NMBR: variants seen among roughly 807,000 people sequenced by gnomAD.
NMBR encodes neuromedin B receptor, also known as neuromedin-B receptor.
NMBR carries 16 observed loss-of-function variants against 20.5 expected under a neutral mutation model. The ratio of observed to expected loss-of-function variants is 0.78; its 90% confidence interval spans 0.53 to 1.19. The LOEUF (loss-of-function observed/expected upper bound fraction) is 1.19. Ranked by LOEUF, NMBR falls within the 50% of genes most tolerant of loss-of-function variation. The pLI is 0.00. For synonymous variants in NMBR, 212 were observed against 196.6 expected, an observed-to-expected ratio of 1.08 and a Z score of -0.65; for missense variants, 582 against 499.1, an observed-to-expected ratio of 1.17 and a Z score of -1.58.
At chr6:142,102,259 G>A (rs567511151) in intron 1 of NMBR, among the ~76,000 whole-genome samples, 57 of 151,918 alleles carry the variant, frequency 3.8e-4, no homozygotes, top group African/African-American at 1.3e-3. Context: ...GCATGGTGGC[G>A]GGCACCTGTA....
At chr6:142,145,003 C>CAGAGTG (rs1778407658) in intron 1 of NMBR, among the ~76,000 whole-genome samples, 1 of 107,808 alleles carries the variant, frequency 9.3e-6, no homozygotes, top group South Asian at 3.1e-4. Flanking sequence ...GCTTAGGTGA[C>CAGAGTG]AGAGTGAGAA....
At chr6:142,108,096 T>C (rs560432053) in intron 1 of NMBR, among the ~76,000 whole-genome samples, 21 of 152,114 alleles carry the variant, frequency 1.4e-4, no homozygotes, top group African/African-American at 4.3e-4. Flanking sequence ...AGAACATAAT[T>C]AAGCAAACCA....
chr6:142,131,312 T>C (rs1778138140), intron 1 of NMBR, among the ~76,000 whole-genome samples: 1 of 152,192 alleles, frequency 6.6e-6, no homozygotes. Context: ...AAATATTTTC[T>C]TTTCATACAC....
chr6:142,146,393 T>C (rs1778436291), intron 1 of NMBR, among the ~76,000 whole-genome samples: 1 of 152,112 alleles, frequency 6.6e-6, no homozygotes. Context: ...AAGAAGGTTA[T>C]TGGAGGAAGT....
At position 142,078,721 on chromosome 6, in the gene NMBR, G is replaced by C; in HGVS notation, c.605C>G (p.Pro202Arg). The change falls in exon 3 of 4, where the codon CCT becomes CGT. Residue 202 changes from proline to arginine, a missense_variant. By Grantham distance (103) the Pro-to-Arg change is moderately radical. Coordinates refer to ENST00000258042, the MANE Select transcript of NMBR (RefSeq NM_002511.4). ...CTTTGGATGTAATTCATCTGTTTGA[G>C]GGTATGGGATACATGCTGTGAAGCT... ...NSSFTACIPY[P>R]QTDELHPKIH... 2 of 1,614,036 alleles carry C rather than the reference G, an allele frequency of 1.2e-6. No homozygotes were observed. The highest frequency in any genetic ancestry group is 8.5e-7 in the Non-Finnish European group (1 of 1,179,984).
chr6:142,120,579 T>C (rs564697336), intron 1 of NMBR, among the ~76,000 whole-genome samples: 1 of 152,018 alleles, frequency 6.6e-6, no homozygotes, highest in East Asian at 1.9e-4. Context: ...TAAAAACATT[T>C]GAAATACAAA....
intron 1 of NMBR, among the ~76,000 whole-genome samples, chr6:142,139,808 A>G (rs1778334400): frequency 6.6e-6 from 1 of 152,234 alleles, no homozygotes. Flanking sequence ...TGAATAATAA[A>G]TGCTATATAT....
At chr6:142,077,100 G>A (rs554691028) in intron 3 of NMBR, among the ~76,000 whole-genome samples, 1 of 152,326 alleles carries the variant, frequency 6.6e-6, no homozygotes, top group East Asian at 1.9e-4. Context: ...AGTCAAATGT[G>A]AAATTTATCT....
At chr6:142,136,811 T>C (rs952747858) in intron 1 of NMBR, among the ~76,000 whole-genome samples, 6 of 152,192 alleles carry the variant, frequency 3.9e-5, no homozygotes, top group African/African-American at 1.2e-4. Flanking sequence ...GTTGTAGATA[T>C]GCGGCAGTAT....
At chr6:142,139,144 G>C (rs1778321560) in intron 1 of NMBR, among the ~76,000 whole-genome samples, 1 of 152,140 alleles carries the variant, frequency 6.6e-6, no homozygotes, top group Admixed American at 6.6e-5. Flanking sequence ...AGGAAAGAAA[G>C]GAGATGGGGC....
rs576355375 is a variant in NMBR, at chr6:142,146,992, AAAC to A, written c.-664+49_-664+51del. On this transcript the variant is annotated intron_variant, in intron 1 of 3. Transcript: ENST00000258042. ...CCTTTTCTATCCTTCCTTTTGCCAC[AAAC>A]AACAAACCAAACAAAAAAGCAAAAC... 8.5e-5 allele frequency among the ~76,000 whole-genome samples: 13 copies of A among 152,316 alleles called. No individual in the cohort carries two copies. In the South Asian group the frequency reaches 2.5e-3, roughly 29 times the overall value.
rs531221652 is a variant in NMBR at position 142,124,644 on chromosome 6, T to C, written c.-664+22400A>G. Among the ~76,000 whole-genome samples the C allele has an allele frequency of 1.9e-4, 29 of 151,998 alleles. 1 individual carries two copies. In the East Asian group the frequency reaches 3.1e-3, roughly 16 times the overall value. On this transcript the variant is annotated intron_variant, in intron 1 of 3. Transcript: ENST00000258042. ...CCGCCAAAAATAATAGCTGTAGATA[T>C]GCGAACTATTCAAAAAAGAAATTGT...
chr6:142,078,369 G>C (rs1184673300), intron 3 of NMBR, among the ~76,000 whole-genome samples, 186 bp downstream of exon 3: 1 of 152,180 alleles, frequency 6.6e-6, no homozygotes, highest in East Asian at 1.9e-4. Flanking sequence ...CTGAACCTAA[G>C]CAGGCCTTTG....
chr6:142,110,550 T>G (rs937967892), intron 1 of NMBR, among the ~76,000 whole-genome samples: 5 of 152,126 alleles, frequency 3.3e-5, no homozygotes, highest in Non-Finnish European at 5.9e-5. Flanking sequence ...TCTAGAGAGA[T>G]AGAAAGATTA....
At chr6:142,081,497 CA>C (rs1777095404) in intron 2 of NMBR, among the ~76,000 whole-genome samples, 2 of 151,980 alleles carry the variant, frequency 1.3e-5, no homozygotes, top group Non-Finnish European at 2.9e-5. Context: ...AGATAGACCC[CA>C]ATGATATTCT....
intron 1 of NMBR, among the ~76,000 whole-genome samples, chr6:142,106,760 C>CT (rs1322894366): frequency 1.3e-5 from 2 of 152,088 alleles, no homozygotes; most frequent in Non-Finnish European, 2.9e-5. Context: ...AATTTTAGGC[C>CT]TAAATATTGT....
At chr6:142,077,679 C>T (rs891007889) in intron 3 of NMBR, among the ~76,000 whole-genome samples, 1 of 152,184 alleles carries the variant, frequency 6.6e-6, no homozygotes, top group Non-Finnish European at 1.5e-5. Flanking sequence ...ATGCCCAAGG[C>T]CCCAGCCTAA....
chr6:142,102,160 A>T (rs1777576164), intron 1 of NMBR, among the ~76,000 whole-genome samples: 1 of 152,058 alleles, frequency 6.6e-6, no homozygotes, highest in Non-Finnish European at 1.5e-5. Context: ...AGGCTGAGGC[A>T]GGCGGATCAC....
Position 142,075,784 on chromosome 6 carries a change from T to C in NMBR, c.1037A>G (p.Tyr346Cys), listed in dbSNP as rs1776926729. ...TAGGTAGCTGGTTCCTCTCTCTTGA[T>C]AGGACTTCCTCCCACAGCAGAGTTG... is the stretch of plus-strand genomic sequence containing the variant. ...NSQLCCGRKS[Y>C]QERGTSYLLS... Residue 346 changes from tyrosine (Y) to cysteine (C), a missense_variant, in exon 4 of 4, where the codon TAT (tyrosine) becomes TGT (cysteine). By Grantham distance (194) the Tyr-to-Cys change is radical (BLOSUM62 -2). Transcript: ENST00000258042. The C allele has an allele frequency of 1.2e-6, 2 of 1,613,980 alleles. No individual in the cohort carries two copies. Among genetic ancestry groups the C allele is most frequent in the Non-Finnish European group, 8.5e-7 (1 of 1,179,968 alleles).
Sources: allele counts gnomAD v4.1 joint callset (sites outside exome capture counted in the v4.1 genomes callset), GRCh38; gene constraint gnomAD v4.1.1; transcripts MANE v1.5; gene names NCBI Gene and HGNC (gene_info 2026-07-23, HGNC 2026-07-21).